KIF26A: variants seen among roughly 807,000 people sequenced by gnomAD.
KIF26A encodes kinesin family member 26A.
In KIF26A, 74 loss-of-function variants were observed where a neutral mutation model predicts 126.0. That is an observed-to-expected ratio of 0.59 (90% CI 0.49 to 0.71). KIF26A has a LOEUF of 0.71. Among genes scored for constraint, KIF26A ranks in the 30% least tolerant of loss-of-function variants. The pLI is 0.00. For missense variants in KIF26A, 2,984 were observed against 2,763.3 expected (o/e 1.08, Z -1.79); for synonymous variants, 1,445 against 1,232.7 (o/e 1.17, Z -3.61).
At chr14:104,154,101 G>A (rs980581982) in intron 3 of KIF26A, among the ~76,000 whole-genome samples, 4 of 152,206 alleles carry the variant, frequency 2.6e-5, no homozygotes. Context: ...GATCATTAGC[G>A]TGGCCCTGGA....
intron 6 of KIF26A, 104 bp downstream of exon 6, chr14:104,172,039 G>T: frequency 8.8e-7 from 1 of 1,136,960 alleles, no homozygotes; most frequent in South Asian, 1.5e-5. Context: ...GGGCGCAGAG[G>T]AAGCGTGAGC....
At chr14:104,161,353 A>C (rs2037831194) in intron 4 of KIF26A, among the ~76,000 whole-genome samples, 1 of 152,126 alleles carries the variant, frequency 6.6e-6, no homozygotes, top group South Asian at 2.1e-4. Context: ...CGCACGGCCC[A>C]GTGTGGAAGC....
chr14:104,177,996 A>G, intron 12 of KIF26A, 98 bp downstream of exon 12: 1 of 1,272,358 alleles, frequency 7.9e-7, no homozygotes, highest in Non-Finnish European at 1.0e-6. Context: ...GATGCTGGAC[A>G]GATGGGCACA....
chr14:104,177,735 C>T lies in KIF26A; in HGVS notation c.4947C>T (p.Ala1649=). ...TGCCGCCCGCCATGGGCCGCACCGC[C>T]CTTTTCCACCACAGCGGTGGCAGCA... The part of the protein sequence containing the change: ...GELPPAMGRT[A]LFHHSGGSSG... The change falls in exon 12 of 15, where the codon GCC becomes GCT. Residue 1649 remains alanine, a synonymous_variant. Coordinates refer to ENST00000423312, the MANE Select transcript of KIF26A (RefSeq NM_015656.2). 2 of 1,542,470 alleles carry T rather than the reference C, an allele frequency of 1.3e-6. No homozygotes were observed. Among genetic ancestry groups the T allele is most frequent in the Admixed American group, 1.9e-5 (1 of 51,910 alleles).
intron 2 of KIF26A, among the ~76,000 whole-genome samples, chr14:104,150,203 A>ACCC (rs1243940536): frequency 8.8e-5 from 2 of 22,786 alleles, no homozygotes; most frequent in Non-Finnish European, 1.9e-4. Context: ...CCCCTCCCCC[A>ACCC]CCCCCTCCTC....
In KIF26A at chr14:104,173,859, T is replaced by C; in HGVS notation, c.2021T>C (p.Val674Ala). The C allele has an allele frequency of 6.3e-7, 1 of 1,593,256 alleles. No homozygotes were observed. The highest frequency in any genetic ancestry group is 8.5e-7 in the Non-Finnish European group (1 of 1,175,270). Residue 674 changes from valine to alanine, a missense_variant, in exon 10 of 15, where the codon GTG becomes GCG. Physicochemically the swap from Val to Ala is moderately conservative, Grantham distance 64 (BLOSUM62 0). Transcript: ENST00000423312. ...GCCCTGGTCAACGGAGCCAAGCATG[T>C]GCCGTATCGGTGAGTGTAGGGCCTG... is the stretch of plus-strand genomic sequence containing the variant. Reference protein sequence around the residue: ...ILALVNGAKHVPYRDHRLTML... With the variant: ...ILALVNGAKHAPYRDHRLTML...
chr14:104,153,863 G>C (rs942307887), intron 3 of KIF26A, among the ~76,000 whole-genome samples: 3 of 152,232 alleles, frequency 2.0e-5, no homozygotes, highest in African/African-American at 7.2e-5. Context: ...CAGCGGGTGG[G>C]GGTGGAGAAG....
Position 104,177,141 on chromosome 14 carries a change from C to T in KIF26A, c.4353C>T (p.Gly1451=), listed in dbSNP as rs757076026. The T allele has an allele frequency of 2.5e-6, 4 of 1,597,816 alleles. No individual in the cohort carries two copies. In the South Asian group the frequency reaches 3.3e-5, roughly 13 times the overall value. Residue 1451 remains glycine (G), a synonymous_variant, in exon 12 of 15, where the codon GGC becomes GGT. Coordinates refer to ENST00000423312, the MANE Select transcript of KIF26A (RefSeq NM_015656.2). Reference sequence around the variant, plus strand: ...GCCTGGCGCACAGCAGCAGCAAGGGCCGGGAAGCCCCTGGGCGGCCTCCCC... The same window carrying T: ...GCCTGGCGCACAGCAGCAGCAAGGGTCGGGAAGCCCCTGGGCGGCCTCCCC... ...YEGLAHSSSK[G]REAPGRPPRA...
At chr14:104,145,327 T>TGGCCCGA (rs2037670753) in intron 2 of KIF26A, among the ~76,000 whole-genome samples, 1 of 152,086 alleles carries the variant, frequency 6.6e-6, no homozygotes, top group Non-Finnish European at 1.5e-5. Context: ...TGGGCTGGGG[T>TGGCCCGA]GGCCCGAGGC....
chr14:104,174,966 A>G lies in KIF26A; in HGVS notation c.2194-16A>G. 1.3e-6 allele frequency: 2 copies of G among 1,510,584 alleles called. No homozygotes were observed. Among genetic ancestry groups the G allele is most frequent in the Non-Finnish European group, 1.8e-6 (2 of 1,130,766 alleles). The allele number at this position is 1,510,584 out of a possible 1,614,324, so 93.6% of individuals were successfully genotyped here. A position where few individuals can be genotyped will look rare whatever the true frequency, so the allele number is the denominator to read the frequency against. Reference sequence around the variant, plus strand: ...AGGGGAGACTGGGCTCGGCAGCTCCACTTTTCTTCCCCCAGTACGCCTCCA... The same window carrying G: ...AGGGGAGACTGGGCTCGGCAGCTCCGCTTTTCTTCCCCCAGTACGCCTCCA... On this transcript the variant is annotated splice_polypyrimidine_tract_variant and intron_variant, in intron 11 of 14. Transcript: ENST00000423312.
rs796125891 is a variant in KIF26A, at chr14:104,174,476, TG to T, written c.2193+172del. On this transcript the variant is annotated intron_variant, in intron 11 of 14. Coordinates refer to ENST00000423312, the MANE Select transcript of KIF26A (RefSeq NM_015656.2). ...GAGGCTATGCCCATGTGGCCCTCCCTGGGGGGTGGGGAGCCCAGCCTGAGGT... is the reference window on the plus strand; with the variant it reads ...GAGGCTATGCCCATGTGGCCCTCCCTGGGGGTGGGGAGCCCAGCCTGAGGT... Among the ~76,000 whole-genome samples the T allele has an allele frequency of 5.3e-5, 8 of 152,150 alleles. 1 individual carries two copies. Among genetic ancestry groups the T allele is most frequent in the African/African-American group, 1.7e-4 (7 of 41,522 alleles).
At chr14:104,157,627 G>A (rs1369550102) in intron 3 of KIF26A, 128 bp from the exon 4 acceptor site, 3 of 1,025,520 alleles carry the variant, frequency 2.9e-6, no homozygotes, top group Non-Finnish European at 4.0e-6. Flanking sequence ...TGGGCCCTGG[G>A]GGTGCAGAGC....
rs772894797 is a variant in KIF26A, at chr14:104,152,194, T to G, written c.468T>G (p.His156Gln). ...PASHEDLDAP[H>Q]GGPSLAPPST... ...GCCATGAGGACCTTGACGCCCCCCATGGAGGCCCCAGCCTCGCACCCCCCA... is the reference window on the plus strand; with the variant it reads ...GCCATGAGGACCTTGACGCCCCCCAGGGAGGCCCCAGCCTCGCACCCCCCA... The change falls in exon 3 of 15, where the codon CAT (histidine) becomes CAG (glutamine). Residue 156 changes from histidine (H) to glutamine (Q), a missense_variant. Coordinates refer to ENST00000423312, the MANE Select transcript of KIF26A (RefSeq NM_015656.2). The surrounding 1 kb of genome is among the most constrained non-coding windows in gnomAD (Gnocchi z 5.9). 6.2e-7 allele frequency: 1 copy of G among 1,606,116 alleles called. No homozygotes were observed. Among genetic ancestry groups the G allele is most frequent in the Middle Eastern group, 1.7e-4 (1 of 6,054 alleles).
chr14:104,179,970 C>A lies in KIF26A; in HGVS notation c.*180C>A. The A allele has an allele frequency of 3.1e-6, 2 of 649,290 alleles. No homozygotes were observed. The highest frequency in any genetic ancestry group is 5.0e-6 in the Non-Finnish European group (2 of 402,006). The allele number at this position is 649,290 out of a possible 1,614,324, so 40.2% of individuals were successfully genotyped here. A position where few individuals can be genotyped will look rare whatever the true frequency, so the allele number is the denominator to read the frequency against. On this transcript the variant is annotated 3_prime_UTR_variant, in exon 15 of 15. Coordinates refer to ENST00000423312, the MANE Select transcript of KIF26A (RefSeq NM_015656.2). ...AGGGCCGGCCACGCGGTGGACAGAG[C>A]GAGGGTGCCAGGGTGACCAGAAGAC...
rs1449490839 is a variant in KIF26A at position 104,176,970 on chromosome 14, T to A, written c.4182T>A (p.Ala1394=). 4 of 1,535,990 alleles carry A rather than the reference T, an allele frequency of 2.6e-6. No homozygotes were observed. Among genetic ancestry groups the A allele is most frequent in the Non-Finnish European group, 2.6e-6 (3 of 1,146,420 alleles). The change falls in exon 12 of 15, where the codon GCT becomes GCA. Residue 1394 remains alanine, a synonymous_variant. Coordinates refer to ENST00000423312, the MANE Select transcript of KIF26A (RefSeq NM_015656.2). ...ACCCGGCGCGGGTCGGGGCTGCTGCTGTCCTTCGAGGGGAGGAGGAGCCCA... is the reference window on the plus strand; with the variant it reads ...ACCCGGCGCGGGTCGGGGCTGCTGCAGTCCTTCGAGGGGAGGAGGAGCCCA... The part of the protein sequence containing the change: ...AVNPARVGAA[A]VLRGEEEPRP...
At chr14:104,143,744 G>A (rs1335217769) in intron 2 of KIF26A, among the ~76,000 whole-genome samples, 1 of 152,244 alleles carries the variant, frequency 6.6e-6, no homozygotes, top group Non-Finnish European at 1.5e-5. Context: ...TTGGAGCCTG[G>A]CCCGGCTTCC....
Position 104,177,579 on chromosome 14 carries a change from C to T in KIF26A, c.4791C>T (p.Asn1597=), listed in dbSNP as rs750019902. The T allele has an allele frequency of 7.2e-5, 111 of 1,534,886 alleles. No homozygotes were observed. The highest frequency in any genetic ancestry group is 6.6e-4 in the African/African-American group (48 of 72,782). Residue 1597 remains asparagine, a synonymous_variant, in exon 12 of 15, where the codon AAC becomes AAT. Transcript: ENST00000423312. ...DSDSGHDSGV[N]VGEERPPTGP... The stretch of plus-strand genomic sequence containing the variant: ...ACAGCGGCCATGACAGCGGCGTGAA[C>T]GTGGGGGAGGAGCGGCCACCCACGG...
chr14:104,155,683 C>T (rs757738590), intron 3 of KIF26A, among the ~76,000 whole-genome samples: 3 of 152,224 alleles, frequency 2.0e-5, no homozygotes, highest in Non-Finnish European at 2.9e-5. Context: ...GCGGATGGGG[C>T]GGTGTCCCGG....
rs879545197 is a variant in KIF26A at position 104,139,232 on chromosome 14, G to A, written c.232G>A (p.Val78Met). 3.8e-6 allele frequency: 6 copies of A among 1,559,130 alleles called. No homozygotes were observed. Among genetic ancestry groups the A allele is most frequent in the South Asian group, 1.2e-5 (1 of 83,610 alleles). Residue 78 changes from valine (V) to methionine (M), a missense_variant, in exon 2 of 15, where the codon GTG becomes ATG. Coordinates refer to ENST00000423312, the MANE Select transcript of KIF26A (RefSeq NM_015656.2). ...GWCRHCHTKLVELKRQAWKLV... is the reference protein window; with the variant it reads ...GWCRHCHTKLMELKRQAWKLV... ...GTGCCGCCACTGCCACACGAAGCTG[G>A]TGGAGCTCAAGCGACAGGCGTGGAA...
Sources: allele counts gnomAD v4.1 joint callset (sites outside exome capture counted in the v4.1 genomes callset), GRCh38; gene constraint gnomAD v4.1.1; non-coding constraint Gnocchi (gnomAD v3.1); transcripts MANE v1.5; gene names NCBI Gene and HGNC (gene_info 2026-07-23, HGNC 2026-07-21).